Variants in EXOC6B observed in about 807,000 individuals in gnomAD.
The protein encoded by EXOC6B is SEC15 homolog B.
A neutral mutation model predicts 113.5 loss-of-function variants in EXOC6B; 54 were observed. The ratio of observed to expected loss-of-function variants is 0.48; its 90% CI spans 0.38 to 0.60. EXOC6B has a LOEUF of 0.60. Ranked by LOEUF, EXOC6B falls within the 20% of genes least tolerant of loss-of-function variation. The probability of loss-of-function intolerance (pLI) is 0.00; values close to 1 mark genes in which losing one functional copy is unlikely to be tolerated. For missense variants in EXOC6B, 797 were observed against 977.5 expected, an observed-to-expected ratio of 0.82 and a Z score of 2.46; for synonymous variants, 357 against 339.0, an observed-to-expected ratio of 1.05 and a Z score of -0.58.
chr2:72,758,200 G>A (rs1395885098), intron 1 of EXOC6B, among the ~76,000 whole-genome samples: 1 of 147,160 alleles, frequency 6.8e-6, no homozygotes, highest in Non-Finnish European at 1.5e-5. Context: ...ACATATATTT[G>A]ATATCCTGAA....
chr2:72,546,364 G>A (rs1252585319), intron 8 of EXOC6B, among the ~76,000 whole-genome samples: 2 of 152,158 alleles, frequency 1.3e-5, no homozygotes, highest in Non-Finnish European at 2.9e-5. Flanking sequence ...CAGGAGAATC[G>A]CTTGAAATCA....
chr2:72,336,477 G>T (rs1037432404), intron 19 of EXOC6B, among the ~76,000 whole-genome samples: 2 of 151,504 alleles, frequency 1.3e-5, no homozygotes, highest in African/African-American at 4.9e-5. Context: ...TATACAAAAT[G>T]AAATTTAAAG....
At chr2:72,823,469 A>AAAAAAAAAAAG (rs1686701880) in intron 1 of EXOC6B, among the ~76,000 whole-genome samples, 1 of 138,184 alleles carries the variant, frequency 7.2e-6, no homozygotes, top group Non-Finnish European at 1.5e-5. Context: ...GAAAAAAAAA[A>AAAAAAAAAAAG]AAAAAAAAAC....
chr2:72,481,589 G>A (rs1446050396), intron 16 of EXOC6B, among the ~76,000 whole-genome samples: 2 of 152,184 alleles, frequency 1.3e-5, no homozygotes, highest in African/African-American at 2.4e-5. Flanking sequence ...TCAGTTTGTG[G>A]AAGAAAGAAC....
intron 19 of EXOC6B, among the ~76,000 whole-genome samples, chr2:72,337,892 T>C (rs1572934432): frequency 6.6e-6 from 1 of 152,182 alleles, no homozygotes; most frequent in African/African-American, 2.4e-5. Flanking sequence ...AAATAGTAGA[T>C]GTTCAACCAA....
Position 72,366,614 on chromosome 2 carries a change from T to C in EXOC6B, c.2122+13115A>G, listed in dbSNP as rs765021193. On this transcript the variant is annotated intron_variant, in intron 19 of 21. Coordinates refer to ENST00000272427, the MANE Select transcript of EXOC6B (RefSeq NM_015189.3). ...CAATGAATTCTAAGCAGAATTAACA[T>C]AAAGAATCCCACAGAAAAGACACAG... 3.3e-5 allele frequency among the ~76,000 whole-genome samples: 5 copies of C among 152,026 alleles called. No homozygotes were observed. The South Asian group carries it at 6.2e-4, about 19-fold the overall frequency.
chr2:72,764,453 C>T (rs1023034786), intron 1 of EXOC6B, among the ~76,000 whole-genome samples: 3 of 148,518 alleles, frequency 2.0e-5, no homozygotes, highest in African/African-American at 7.6e-5. Context: ...CTCACTGTAG[C>T]CCTGACCTCC....
At chr2:72,381,012 C>A (rs1419214365) in intron 18 of EXOC6B, among the ~76,000 whole-genome samples, 2 of 152,140 alleles carry the variant, frequency 1.3e-5, no homozygotes, top group Admixed American at 6.5e-5. Flanking sequence ...CTTAACGTAT[C>A]CCCTAAACAT....
chr2:72,402,150 G>A (rs1171379348), intron 18 of EXOC6B, among the ~76,000 whole-genome samples: 3 of 151,906 alleles, frequency 2.0e-5, no homozygotes, highest in Non-Finnish European at 2.9e-5. Flanking sequence ...TTACCAGGAG[G>A]CTTTTGATTA....
At chr2:72,604,319 C>T (rs1471719964) in intron 6 of EXOC6B, among the ~76,000 whole-genome samples, 1 of 152,130 alleles carries the variant, frequency 6.6e-6, no homozygotes, top group Non-Finnish European at 1.5e-5. Context: ...GTTTCAGATT[C>T]GTCAAAGATA....
intron 6 of EXOC6B, among the ~76,000 whole-genome samples, chr2:72,666,616 A>G (rs1340578989): frequency 1.3e-5 from 2 of 152,222 alleles, no homozygotes; most frequent in Non-Finnish European, 1.5e-5. Flanking sequence ...ATGATTATAT[A>G]CTTAGCAAAC....
chr2:72,818,523 G>A (rs1367606842), intron 1 of EXOC6B, among the ~76,000 whole-genome samples: 1 of 151,802 alleles, frequency 6.6e-6, no homozygotes, highest in Non-Finnish European at 1.5e-5. Flanking sequence ...TTGAACTCCT[G>A]GCCTCAAGTG....
chr2:72,587,638 T>C (rs542319670), intron 6 of EXOC6B, among the ~76,000 whole-genome samples: 7 of 152,206 alleles, frequency 4.6e-5, no homozygotes, highest in Admixed American at 3.9e-4. Flanking sequence ...AAAATACATA[T>C]GTAAAATAAT....
intron 11 of EXOC6B, among the ~76,000 whole-genome samples, chr2:72,501,710 TAAAAAAACAACAACAACCAAA>T (rs2105598839): frequency 6.9e-6 from 1 of 144,426 alleles, no homozygotes; most frequent in South Asian, 2.2e-4. Context: ...GAGTCTTCAT[TAAAAAAACAACAACAACCAAA>T]AAAAAAACCA....
intron 20 of EXOC6B, among the ~76,000 whole-genome samples, chr2:72,226,579 T>G (rs374540600): frequency 3.9e-4 from 59 of 152,354 alleles, no homozygotes; most frequent in African/African-American, 1.4e-3. Context: ...AAAGTTGTAC[T>G]CTTAATGTGT....
chr2:72,504,967 G>T (rs981093202), intron 11 of EXOC6B, among the ~76,000 whole-genome samples: 5 of 152,016 alleles, frequency 3.3e-5, no homozygotes. Context: ...TTAATGTAAT[G>T]ATTTGGTAGG....
intron 6 of EXOC6B, among the ~76,000 whole-genome samples, chr2:72,589,141 TA>T (rs11476885): frequency 0.89 from 134,868 of 151,914 alleles, 59,913 homozygotes; most frequent in East Asian, 0.99. Context: ...ACTTAAAAAA[TA>T]AAAAAATTTG....
At chr2:72,404,727 C>A (rs1037689153) in intron 18 of EXOC6B, among the ~76,000 whole-genome samples, 4 of 152,066 alleles carry the variant, frequency 2.6e-5, no homozygotes, top group African/African-American at 9.7e-5. Flanking sequence ...TCATCAAAGA[C>A]CAAAGGTAGA....
intron 6 of EXOC6B, among the ~76,000 whole-genome samples, chr2:72,676,126 T>TA (rs879652258): frequency 0.027 from 3,731 of 138,560 alleles, 136 homozygotes; most frequent in African/African-American, 0.086. Context: ...CATTCTAGTT[T>TA]AAAAAAAAAA....
Sources: allele counts gnomAD v4.1 joint callset (sites outside exome capture counted in the v4.1 genomes callset), GRCh38; gene constraint gnomAD v4.1.1; transcripts MANE v1.5; gene names NCBI Gene and HGNC (gene_info 2026-07-23, HGNC 2026-07-21).